Variants in SLC27A1 observed in about 807,000 individuals in gnomAD.
SLC27A1 encodes solute carrier family 27 member 1.
Under a neutral mutation model 62.2 loss-of-function variants are expected in SLC27A1, and 61 were observed. The observed-to-expected ratio is 0.98, with a 90% CI of 0.80 to 1.21. SLC27A1 has a LOEUF of 1.21. Among genes scored for constraint, SLC27A1 ranks in the 50% most tolerant of loss-of-function variants. The pLI is 0.00. For synonymous variants in SLC27A1, 435 were observed against 408.6 expected, an observed-to-expected ratio of 1.06 and a Z score of -0.78; for missense variants, 903 against 932.1, an observed-to-expected ratio of 0.97 and a Z score of 0.41.
intron 1 of SLC27A1, among the ~76,000 whole-genome samples, chr19:17,472,011 C>G (rs553648727): frequency 6.6e-6 from 1 of 152,300 alleles, no homozygotes; most frequent in Admixed American, 6.5e-5. Context: ...ATACTGGACC[C>G]CTTTTAGCCA....
At chr19:17,503,959 G>T (rs947352289) in intron 11 of SLC27A1, among the ~76,000 whole-genome samples, 3 of 144,654 alleles carry the variant, frequency 2.1e-5, no homozygotes, top group Non-Finnish European at 3.0e-5. Flanking sequence ...AAAAAAAAAG[G>T]GTTTTTGCAG....
rs773575275 is a variant in SLC27A1, at chr19:17,504,694, G to C, written c.*82G>C. ...CAGACAGCGCTGCCCAGGGGTGGCC[G>C]CCTAGTACACACCCACCTGGCCGAG... On this transcript the variant is annotated 3_prime_UTR_variant, in exon 12 of 12. Coordinates refer to ENST00000252595, the MANE Select transcript of SLC27A1 (RefSeq NM_198580.3). 1 of 1,563,592 alleles carries C rather than the reference G, an allele frequency of 6.4e-7. No individual in the cohort carries two copies. The highest frequency in any genetic ancestry group is 8.7e-7 in the Non-Finnish European group (1 of 1,147,772).
intron 1 of SLC27A1, among the ~76,000 whole-genome samples, chr19:17,472,651 C>G (rs541109273): frequency 2.6e-5 from 4 of 152,084 alleles, no homozygotes; most frequent in African/African-American, 9.6e-5. Context: ...GTCAGCCTCC[C>G]AAGTAGCTGG....
At chr19:17,497,832 CAG>C (rs774624845) in intron 7 of SLC27A1, 110 of 275,280 alleles carry the variant, frequency 4.0e-4, no homozygotes, top group Non-Finnish European at 6.2e-4. Context: ...TTGTTTGAGA[CAG>C]AGTCTCGCTC....
At chr19:17,496,297 GT>G (rs1362960541) in intron 6 of SLC27A1, 1 of 150,948 alleles carries the variant, frequency 6.6e-6, no homozygotes, top group East Asian at 1.9e-4. Flanking sequence ...CATCTGTAAA[GT>G]GGCGGGGGGG....
chr19:17,478,529 A>C (rs2075146367), intron 1 of SLC27A1, among the ~76,000 whole-genome samples: 1 of 151,538 alleles, frequency 6.6e-6, no homozygotes, highest in Non-Finnish European at 1.5e-5. Context: ...AGACTGTGAA[A>C]AGGGTGCTTG....
rs138685840 is a variant in SLC27A1, at chr19:17,504,605, C to T, written c.1934C>T (p.Ala645Val). The T allele has an allele frequency of 8.2e-4, 1,326 of 1,614,132 alleles. 6 individuals are homozygous for T. In the African/African-American group the frequency reaches 0.013, roughly 16 times the overall value. ...VYTRICSGAF[A>V]L is the part of the protein sequence containing the mutation. ...ACTCGCATCTGCTCGGGCGCCTTCG[C>T]CCTCTGAAGCTGTTCCTCTACTGGC... Residue 645 changes from alanine (A) to valine (V), a missense_variant, in exon 12 of 12, where the codon GCC becomes GTC. Ala to Val is a moderately conservative substitution (Grantham distance 64). Transcript: ENST00000252595.
chr19:17,483,199 T>G (rs2075197713), intron 1 of SLC27A1, among the ~76,000 whole-genome samples: 1 of 152,102 alleles, frequency 6.6e-6, no homozygotes, highest in Non-Finnish European at 1.5e-5. Context: ...CTGGTGGCTC[T>G]GCACAAGGCT....
rs2075360443 is a variant in SLC27A1, at chr19:17,497,331, T to C, written c.1073T>C (p.Val358Ala). 3.1e-6 allele frequency: 5 copies of C among 1,604,104 alleles called. No individual in the cohort carries two copies. The highest frequency in any genetic ancestry group is 4.2e-6 in the Non-Finnish European group (5 of 1,177,054). ...PVREAERRHR[V>A]RLAVGNGLRP... ...CGCGAGGCGGAGAGGCGACACCGCG[T>C]GCGCCTGGCGGTGGGGAACGGGCTG... is the stretch of plus-strand genomic sequence containing the variant. The change falls in exon 7 of 12, where the codon GTG becomes GCG. Residue 358 changes from valine to alanine, a missense_variant. By Grantham distance (64) the Val-to-Ala change is moderately conservative. Coordinates refer to ENST00000252595, the MANE Select transcript of SLC27A1 (RefSeq NM_198580.3).
At chr19:17,470,168 C>T (rs943163260), upstream of SLC27A1, among the ~76,000 whole-genome samples, 1 of 151,618 alleles carries the variant, frequency 6.6e-6, no homozygotes, top group African/African-American at 2.4e-5. Context: ...GACATGCTGG[C>T]TCTGGGGGCG....
Position 17,504,515 on chromosome 19 carries a change from C to G in SLC27A1, c.1844C>G (p.Ser615Ter), listed in dbSNP as rs1380388158. Reference sequence around the variant, plus strand: ...GAGGGCTTTGACCCACGCCAGACCTCAGACCGGCTCTTCTTCCTGGACCTG... The same window carrying G: ...GAGGGCTTTGACCCACGCCAGACCTGAGACCGGCTCTTCTTCCTGGACCTG... ...QREGFDPRQT[S>*]DRLFFLDLKQ... is the part of the protein sequence containing the mutation. Residue 615 changes from serine (S) to a stop codon, truncating the protein, a stop_gained, in exon 12 of 12, where the codon TCA becomes TGA. Transcript: ENST00000252595. LOFTEE classifies it low-confidence loss of function (END_TRUNC). 6.2e-7 allele frequency: 1 copy of G among 1,614,200 alleles called. No individual in the cohort carries two copies. The highest frequency in any genetic ancestry group is 2.2e-5 in the East Asian group (1 of 44,884).
intron 11 of SLC27A1, chr19:17,503,515 A>G (rs1180451104): frequency 6.6e-6 from 1 of 152,080 alleles, no homozygotes; most frequent in African/African-American, 2.4e-5. Flanking sequence ...GCTGGAATGC[A>G]ATAATGCAAT....
chr19:17,482,760 C>G (rs1241059077), intron 1 of SLC27A1, among the ~76,000 whole-genome samples: 1 of 151,854 alleles, frequency 6.6e-6, no homozygotes, highest in Non-Finnish European at 1.5e-5. Context: ...TAGGTGCTCA[C>G]CATTTCAAGA....
chr19:17,487,408 G>T (rs1156777727), intron 3 of SLC27A1, 52 bp from the exon 4 acceptor site: 2 of 1,481,510 alleles, frequency 1.3e-6, no homozygotes, highest in Non-Finnish European at 1.8e-6. Context: ...CAACTTCCAG[G>T]CCCCACCCCC....
chr19:17,488,897 G>A lies in SLC27A1; in HGVS notation c.844G>A (p.Ala282Thr). The A allele has an allele frequency of 6.2e-7, 1 of 1,614,118 alleles. No homozygotes were observed. The highest frequency in any genetic ancestry group is 8.5e-7 in the Non-Finnish European group (1 of 1,180,004). The change falls in exon 5 of 12, where the codon GCT becomes ACT. Residue 282 changes from alanine (A) to threonine (T), a missense_variant. By Grantham distance (58) the Ala-to-Thr change is moderately conservative. Coordinates refer to ENST00000252595, the MANE Select transcript of SLC27A1 (RefSeq NM_198580.3). The part of the protein sequence containing the change: ...FGHHAYRMQA[A>T]DVLYDCLPLY... Reference sequence around the variant, plus strand: ...CCACCACGCCTACCGCATGCAGGCGGCTGACGTGCTCTATGACTGCCTGCC... The same window carrying A: ...CCACCACGCCTACCGCATGCAGGCGACTGACGTGCTCTATGACTGCCTGCC...
At position 17,480,685 on chromosome 19, in the gene SLC27A1, T is replaced by A. The variant is rs559600301; in HGVS notation, c.168-5878T>A. 3.9e-4 allele frequency among the ~76,000 whole-genome samples: 59 copies of A among 151,918 alleles called. No homozygotes were observed. The Middle Eastern group carries it at 0.01, about 26-fold the overall frequency. On this transcript the variant is annotated intron_variant, in intron 1 of 11. Transcript: ENST00000252595. The stretch of plus-strand genomic sequence containing the variant: ...GAGCCACCGTGTCCACCCAATTTTT[T>A]TAAAAATTTTAATTTTAGGCTGCAG...
Position 17,486,714 on chromosome 19 carries a change from G to T in SLC27A1, c.319G>T (p.Ala107Ser). 1 of 1,612,254 alleles carries T rather than the reference G, an allele frequency of 6.2e-7. No homozygotes were observed. Among genetic ancestry groups the T allele is most frequent in the African/African-American group, 1.3e-5 (1 of 75,058 alleles). The change falls in exon 2 of 12, where the codon GCG becomes TCG. Residue 107 changes from alanine (A) to serine (S), a missense_variant. Coordinates refer to ENST00000252595, the MANE Select transcript of SLC27A1 (RefSeq NM_198580.3). The surrounding 1 kb of genome is among the most constrained non-coding windows in gnomAD (Gnocchi z 6.6). ...DAGTGECWTFAQLDAYSNAVA... is the reference protein window; with the variant it reads ...DAGTGECWTFSQLDAYSNAVA... ...CGGGACCGGCGAGTGCTGGACCTTT[G>T]CGCAGCTGGACGCCTACTCCAATGC...
chr19:17,498,791 C>G (rs747960122), intron 7 of SLC27A1: 3 of 158,924 alleles, frequency 1.9e-5, no homozygotes, highest in African/African-American at 7.2e-5. Flanking sequence ...GGTAAGGTCA[C>G]GTGGGTCATG....
upstream of SLC27A1, chr19:17,470,464 G>C: frequency 4.3e-6 from 6 of 1,403,946 alleles, no homozygotes; most frequent in Non-Finnish European, 5.5e-6. Flanking sequence ...GTAGAGGCGG[G>C]GGCGGTCGTG....
Sources: gnomAD v4.1 joint callset for allele counts (sites outside exome capture counted in the v4.1 genomes callset) on GRCh38, gnomAD v4.1.1 for gene constraint, Gnocchi (gnomAD v3.1) non-coding constraint, MANE v1.5 for transcripts, NCBI Gene and HGNC (gene_info 2026-07-23, HGNC 2026-07-21) for gene names.